Variants in INVS observed in about 807,000 individuals in gnomAD.
INVS encodes inversin, also known as inversion of embryo turning homolog.
In INVS, 86 loss-of-function variants were observed where a neutral mutation model predicts 108.8. The observed-to-expected ratio is 0.79, with a 90% CI of 0.66 to 0.95. The LOEUF is 0.95. INVS is among the 40% of genes least tolerant of loss of function. The pLI is 0.00. For synonymous variants in INVS, 455 were observed against 473.5 expected (o/e 0.96, Z 0.51); for missense variants, 1,169 against 1,297.4 (o/e 0.90, Z 1.52).
intron 3 of INVS, among the ~76,000 whole-genome samples, chr9:100,191,948 CTG>C (rs1193347610): frequency 6.6e-6 from 1 of 152,096 alleles, no homozygotes; most frequent in Non-Finnish European, 1.5e-5. Flanking sequence ...TGTGAAGACT[CTG>C]AGTTCCTTGG....
chr9:100,163,758 G>A (rs1829267851), intron 3 of INVS, among the ~76,000 whole-genome samples: 2 of 152,198 alleles, frequency 1.3e-5, no homozygotes, highest in Non-Finnish European at 2.9e-5. Flanking sequence ...TATGCCAAGT[G>A]CAAGGTCCAG....
At chr9:100,135,996 A>G (rs1235126945) in intron 3 of INVS, among the ~76,000 whole-genome samples, 1 of 152,018 alleles carries the variant, frequency 6.6e-6, no homozygotes, top group Non-Finnish European at 1.5e-5. Context: ...CAAGCAGAAG[A>G]GGATCCATTT....
intron 5 of INVS, 116 bp downstream of exon 5, chr9:100,229,943 A>G: frequency 1.0e-6 from 1 of 967,680 alleles, no homozygotes; most frequent in Non-Finnish European, 1.6e-6. Flanking sequence ...GCAAAAGAAT[A>G]CAACAGACAT....
At chr9:100,223,523 A>G (rs1219327088) in intron 3 of INVS, among the ~76,000 whole-genome samples, 1 of 152,256 alleles carries the variant, frequency 6.6e-6, no homozygotes, top group East Asian at 1.9e-4. Flanking sequence ...TGCTGAGCAC[A>G]GGGATCAATA....
intron 3 of INVS, among the ~76,000 whole-genome samples, chr9:100,164,337 A>G (rs863668): frequency 0.49 from 73,809 of 151,908 alleles, 19,023 homozygotes; most frequent in East Asian, 0.9. Flanking sequence ...GTTGTAGCCA[A>G]TATTAAATAT....
chr9:100,101,353 C>T (rs1385442466), intron 1 of INVS: 2 of 151,972 alleles, frequency 1.3e-5, no homozygotes, highest in African/African-American at 4.8e-5. Flanking sequence ...ATAAATACAA[C>T]TGGGCCTAGA....
intron 3 of INVS, among the ~76,000 whole-genome samples, chr9:100,207,286 T>A (rs1219253405): frequency 1.3e-5 from 2 of 152,090 alleles, no homozygotes; most frequent in South Asian, 2.1e-4. Context: ...ATTCATTTTT[T>A]ATTTTTTGTT....
intron 2 of INVS, among the ~76,000 whole-genome samples, chr9:100,113,540 G>A (rs1027360460): frequency 1.3e-5 from 2 of 151,976 alleles, no homozygotes; most frequent in African/African-American, 4.8e-5. Flanking sequence ...AACAACCCAG[G>A]CATTTATCTG....
chr9:100,301,163 A>C lies in INVS; in HGVS notation c.*489A>C, dbSNP rs1833957642. On this transcript the variant is annotated 3_prime_UTR_variant, in exon 17 of 17. Transcript: ENST00000262457. Reference sequence around the variant, plus strand: ...ATCACACACACACACACACACACACACACACACACACACACATATCACGTC... The same window carrying C: ...ATCACACACACACACACACACACACCCACACACACACACACATATCACGTC... Among the ~76,000 whole-genome samples, 1 of 122,630 alleles carries C rather than the reference A, an allele frequency of 8.2e-6. No homozygotes were observed. The highest frequency in any genetic ancestry group is 3.3e-5 in the African/African-American group (1 of 29,928). 80.5% of individuals were successfully genotyped at this position (122,630 alleles called of 152,430 possible).
chr9:100,188,732 C>T (rs1289727930), intron 3 of INVS, among the ~76,000 whole-genome samples: 2 of 150,524 alleles, frequency 1.3e-5, no homozygotes, highest in Non-Finnish European at 3.0e-5. Context: ...ACCTCTTTCT[C>T]AATCTTTTGG....
At chr9:100,132,289 T>G (rs1378288646) in intron 3 of INVS, among the ~76,000 whole-genome samples, 4 of 152,188 alleles carry the variant, frequency 2.6e-5, no homozygotes, top group African/African-American at 9.7e-5. Flanking sequence ...ATCAAATAGA[T>G]TTAATATGAA....
At chr9:100,185,081 C>T (rs909055228) in intron 3 of INVS, among the ~76,000 whole-genome samples, 2 of 152,048 alleles carry the variant, frequency 1.3e-5, no homozygotes, top group Non-Finnish European at 2.9e-5. Context: ...AAGGACAGTC[C>T]TTTATTTCCT....
At chr9:100,247,078 T>A (rs1160974150) in intron 8 of INVS, among the ~76,000 whole-genome samples, 1 of 151,894 alleles carries the variant, frequency 6.6e-6, no homozygotes, top group East Asian at 1.9e-4. Context: ...ATCATTTATC[T>A]TTTTGTAAAA....
At chr9:100,284,095 G>A (rs887235485) in intron 12 of INVS, among the ~76,000 whole-genome samples, 3 of 152,104 alleles carry the variant, frequency 2.0e-5, no homozygotes, top group Non-Finnish European at 4.4e-5. Context: ...ACAGCACAAA[G>A]ACTGATCTAT....
chr9:100,247,040 C>T (rs1832068319), intron 8 of INVS, among the ~76,000 whole-genome samples: 1 of 151,522 alleles, frequency 6.6e-6, no homozygotes, highest in African/African-American at 2.4e-5. Flanking sequence ...CTGGTTGCTC[C>T]TTAGACATGA....
chr9:100,154,723 A>C (rs974518167), intron 3 of INVS, among the ~76,000 whole-genome samples: 1 of 152,084 alleles, frequency 6.6e-6, no homozygotes, highest in Non-Finnish European at 1.5e-5. Context: ...CCTTTTTTCC[A>C]GGAAAGAGGA....
intron 11 of INVS, among the ~76,000 whole-genome samples, chr9:100,267,458 T>C (rs1208972754): frequency 6.6e-6 from 1 of 152,250 alleles, no homozygotes; most frequent in Non-Finnish European, 1.5e-5. Flanking sequence ...CATCAGACCA[T>C]TCCCACATGG....
chr9:100,145,601 G>A (rs1406509873), intron 3 of INVS, among the ~76,000 whole-genome samples: 1 of 152,020 alleles, frequency 6.6e-6, no homozygotes, highest in African/African-American at 2.4e-5. Context: ...AAGCAGAGAA[G>A]GGGTAGAGAC....
intron 2 of INVS, chr9:100,117,580 C>CCCAGGGCCA: frequency 1.1e-6 from 1 of 950,118 alleles, no homozygotes; most frequent in South Asian, 1.4e-5. Context: ...GGTTCCCCAT[C>CCCAGGGCCA]CCAGGGCCAC....
Sources: allele counts gnomAD v4.1 joint callset (sites outside exome capture counted in the v4.1 genomes callset), GRCh38; gene constraint gnomAD v4.1.1; transcripts MANE v1.5; gene names NCBI Gene and HGNC (gene_info 2026-07-23, HGNC 2026-07-21).